CDKL5: variants seen among roughly 807,000 people sequenced by gnomAD.
CDKL5 encodes the protein cyclin dependent kinase like 5, also known as cyclin-dependent kinase-like 5.
A neutral mutation model predicts 61.7 loss-of-function variants in CDKL5; 8 were observed. The ratio of observed to expected loss-of-function variants is 0.13; its 90% CI spans 0.08 to 0.23. The LOEUF (loss-of-function observed/expected upper bound fraction) is 0.23. Among genes scored for constraint, CDKL5 ranks in the 10% least tolerant of loss-of-function variants. The pLI is 1.00. For synonymous variants in CDKL5, 275 were observed against 272.3 expected (o/e 1.01, Z -0.10); for missense variants, 440 against 734.5 (o/e 0.60, Z 4.63).
At chrX:18,531,767 C>A (rs1023990987) in intron 3 of CDKL5, among the ~76,000 whole-genome samples, 1 of 106,497 alleles carries the variant, frequency 9.4e-6, no homozygotes, top group African/African-American at 3.6e-5. Context: ...ACTGCAGTGG[C>A]GCAATCTCGG....
Position 18,444,717 on chromosome X carries a change from T to C in CDKL5, c.-163+19022T>C, listed in dbSNP as rs1381585403. ...GCTTTTAAATTTTCATAAGAGCATT[T>C]TCTTTGGACATTTAAAAATATAGTT... On this transcript the variant is annotated intron_variant, in intron 1 of 17. Coordinates refer to ENST00000623535, the MANE Select transcript of CDKL5 (RefSeq NM_001323289.2). Among the ~76,000 whole-genome samples, 3 of 112,832 alleles carry C rather than the reference T, an allele frequency of 2.7e-5. No homozygotes were observed. The East Asian group carries it at 8.3e-4, about 31-fold the overall frequency.
chrX:18,603,776 A>C, intron 11 of CDKL5, 126 bp from the exon 12 acceptor site: 1 of 828,996 alleles, frequency 1.2e-6, no homozygotes, highest in African/African-American at 2.0e-5. Context: ...TCGAAGGCAC[A>C]TGCTTGAGAG....
intron 1 of CDKL5, among the ~76,000 whole-genome samples, chrX:18,461,342 T>C (rs1269618819): frequency 1.2e-4 from 14 of 112,635 alleles, no homozygotes; most frequent in African/African-American, 4.2e-4. Context: ...GCATTTTTAC[T>C]GTCCGAGTAT....
chrX:18,651,264 T>TGTGTGTGTGAGAGA (rs1491242962), intron 21 of CDKL5, among the ~76,000 whole-genome samples: 2 of 69,012 alleles, frequency 2.9e-5, no homozygotes, highest in African/African-American at 1.3e-4. Context: ...TGTGTGTGTG[T>TGTGTGTGTGAGAGA]GAGAGAGAGA....
chrX:18,586,161 T>C (rs1925638313), intron 8 of CDKL5, among the ~76,000 whole-genome samples: 1 of 111,906 alleles, frequency 8.9e-6, no homozygotes, highest in African/African-American at 3.2e-5. Context: ...ATCTCTTCCA[T>C]TGTGTAGGCA....
In CDKL5 at chrX:18,507,092, T is replaced by A. The variant is rs79219416; in HGVS notation, c.-5T>A. The A allele has an allele frequency of 9.2e-5, 109 of 1,182,821 alleles. No homozygotes were observed. In the East Asian group the frequency reaches 2.8e-3, roughly 31 times the overall value. The stretch of plus-strand genomic sequence containing the variant: ...TGGCTTGCATCAAAAGAGGAGTTTG[T>A]CTTCATGAAGATTCCTAACATTGGT... On this transcript the variant is annotated 5_prime_UTR_variant, in exon 2 of 18. Transcript: ENST00000623535.
intron 3 of CDKL5, among the ~76,000 whole-genome samples, chrX:18,513,091 C>G (rs950500786): frequency 2.7e-5 from 3 of 111,806 alleles, no homozygotes; most frequent in Non-Finnish European, 5.7e-5. Flanking sequence ...ACATCATGTA[C>G]AGAGTCCAAA....
In CDKL5 at chrX:18,572,074, C is replaced by A. The variant is rs1925152904; in HGVS notation, c.146-3280C>A. ...GTTCCATGAGGTTTAGGCTCATAAT[C>A]AATACAATTTTAATGAAAAGAAATA... On this transcript the variant is annotated intron_variant, in intron 4 of 17. Coordinates refer to ENST00000623535, the MANE Select transcript of CDKL5 (RefSeq NM_001323289.2). 1.1e-4 allele frequency among the ~76,000 whole-genome samples: 12 copies of A among 111,612 alleles called. No homozygotes were observed. In the Admixed American group the frequency reaches 1.1e-3, roughly 11 times the overall value.
chrX:18,432,481 A>G (rs931153037), intron 1 of CDKL5, among the ~76,000 whole-genome samples: 2 of 110,513 alleles, frequency 1.8e-5, no homozygotes, highest in East Asian at 2.8e-4. Flanking sequence ...GGCTCAAGCA[A>G]TCTGCCCGCT....
rs746241974 is a variant in CDKL5, at chrX:18,537,817, GT to G, written c.100-26654del. Among the ~76,000 whole-genome samples, 489 of 112,444 alleles carry G rather than the reference GT, an allele frequency of 4.3e-3. 2 individuals carry two copies. In the Middle Eastern group the frequency reaches 0.046, roughly 11 times the overall value. On this transcript the variant is annotated intron_variant, in intron 3 of 17. Coordinates refer to ENST00000623535, the MANE Select transcript of CDKL5 (RefSeq NM_001323289.2). The stretch of plus-strand genomic sequence containing the variant: ...CACAACTCCCTTGAGATTCACCCAA[GT>G]TTTTTGTGTGAACCAATAGTTTGCT...
Position 18,636,400 on chromosome X carries a change from G to A in CDKL5, c.*7643G>A, listed in dbSNP as rs746873217. On this transcript the variant is annotated 3_prime_UTR_variant, in exon 18 of 18. Coordinates refer to ENST00000623535, the MANE Select transcript of CDKL5 (RefSeq NM_001323289.2). ...ATTATTATTTTCACAACAACCCAGC[G>A]AAACAGGTACTATTATTATCCCCTT... is the stretch of plus-strand genomic sequence containing the variant. 7.5e-5 allele frequency: 8 copies of A among 106,519 alleles called. No homozygotes were observed. The South Asian group carries it at 1.7e-3, about 22-fold the overall frequency. The allele number at this position is 106,519 out of a possible 1,213,427, so 8.8% of individuals were successfully genotyped here.
In CDKL5 at chrX:18,545,601, G is replaced by A. The variant is rs185255407; in HGVS notation, c.100-18876G>A. On this transcript the variant is annotated intron_variant, in intron 3 of 17. Transcript: ENST00000623535. Reference sequence around the variant, plus strand: ...TCAGTGAAAATGTTTAAGTTTTTTCGTTCATTTGAAATGTAGAATCAAAGT... The same window carrying A: ...TCAGTGAAAATGTTTAAGTTTTTTCATTCATTTGAAATGTAGAATCAAAGT... 7.6e-3 allele frequency among the ~76,000 whole-genome samples: 852 copies of A among 111,977 alleles called. 9 individuals carry two copies. The highest frequency in any genetic ancestry group is 0.026 in the African/African-American group (787 of 30,824).
At position 18,616,455 on chromosome X, in the gene CDKL5, G is replaced by A. The variant is rs372823454; in HGVS notation, c.2276+3180G>A. Among the ~76,000 whole-genome samples the A allele has an allele frequency of 2.7e-5, 3 of 109,743 alleles. No homozygotes were observed. The South Asian group carries it at 1.2e-3, about 44-fold the overall frequency. Reference sequence around the variant, plus strand: ...AGCTTGACCAACATGGGAAAACCCCGTCTCTACTAAAAATACAAAATTAGC... The same window carrying A: ...AGCTTGACCAACATGGGAAAACCCCATCTCTACTAAAAATACAAAATTAGC... On this transcript the variant is annotated intron_variant, in intron 15 of 17. Coordinates refer to ENST00000623535, the MANE Select transcript of CDKL5 (RefSeq NM_001323289.2).
intron 1 of CDKL5, among the ~76,000 whole-genome samples, chrX:18,466,766 G>T (rs1253222283): frequency 9.0e-6 from 1 of 111,694 alleles, no homozygotes; most frequent in Non-Finnish European, 1.9e-5. Flanking sequence ...TCCCACCTTG[G>T]CCTCCCAAAG....
chrX:18,629,000 AATAG>A lies in CDKL5; in HGVS notation c.*249_*252del, dbSNP rs2147179451. ...CCACTCCCCACAGGTCTTGTGTGAG[AATAG>A]ATAGAGTGTGCCATTGAGGAAGAAG... On this transcript the variant is annotated 3_prime_UTR_variant, in exon 18 of 18. Coordinates refer to ENST00000623535, the MANE Select transcript of CDKL5 (RefSeq NM_001323289.2). The A allele has an allele frequency of 2.1e-6, 2 of 972,185 alleles. No homozygotes were observed. Among genetic ancestry groups the A allele is most frequent in the African/African-American group, 2.0e-5 (1 of 50,897 alleles). 80.1% of individuals were successfully genotyped at this position (972,185 alleles called of 1,213,427 possible).
At chrX:18,480,558 T>C (rs1278469545) in intron 1 of CDKL5, among the ~76,000 whole-genome samples, 4 of 111,783 alleles carry the variant, frequency 3.6e-5, no homozygotes, top group Non-Finnish European at 7.5e-5. Context: ...TATGGAGTTA[T>C]GTTCCACCTT....
intron 6 of CDKL5, among the ~76,000 whole-genome samples, chrX:18,580,998 A>G (rs892114528): frequency 1.8e-5 from 2 of 111,517 alleles, no homozygotes; most frequent in African/African-American, 6.5e-5. Context: ...TGTCTAGGGT[A>G]ATGATTCTAG....
intron 3 of CDKL5, among the ~76,000 whole-genome samples, chrX:18,562,010 A>G (rs191120680): frequency 9.0e-6 from 1 of 111,728 alleles, no homozygotes; most frequent in African/African-American, 3.2e-5. Context: ...GATCACAACA[A>G]TCTGGGGAAA....
chrX:18,487,458 C>T (rs922122312), intron 1 of CDKL5, among the ~76,000 whole-genome samples: 3 of 112,628 alleles, frequency 2.7e-5, no homozygotes, highest in Non-Finnish European at 5.6e-5. Context: ...CCAGCACACA[C>T]GGCTAATTTT....
Sources: gnomAD v4.1 joint callset for allele counts (sites outside exome capture counted in the v4.1 genomes callset) on GRCh38, gnomAD v4.1.1 for gene constraint, MANE v1.5 for transcripts, NCBI Gene and HGNC (gene_info 2026-07-23, HGNC 2026-07-21) for gene names.